Variants in CTNNAL1 observed in about 807,000 individuals in gnomAD.
The protein encoded by CTNNAL1 is catenin alpha like 1, also known as alpha-catulin.
In CTNNAL1, 69 loss-of-function variants were observed where a neutral mutation model predicts 93.6. That is an observed-to-expected ratio of 0.74 (90% CI 0.61 to 0.90). CTNNAL1 has a LOEUF of 0.90. CTNNAL1 is among the 40% of genes least tolerant of loss of function. The probability of loss-of-function intolerance (pLI) is 0.00; values close to 1 mark genes in which losing one functional copy is unlikely to be tolerated. For missense variants in CTNNAL1, 836 were observed against 862.0 expected (o/e 0.97, Z 0.38); for synonymous variants, 286 against 305.4 (o/e 0.94, Z 0.66).
chr9:108,981,473 A>T lies in CTNNAL1; in HGVS notation c.900+1672T>A, dbSNP rs1027173426. ...TACTAGCTCTCCTCCTCAAAAAAAAAAGACAAAAAACAAAAAAAAAAAAAA... is the reference window on the plus strand; with the variant it reads ...TACTAGCTCTCCTCCTCAAAAAAAATAGACAAAAAACAAAAAAAAAAAAAA... On this transcript the variant is annotated intron_variant, in intron 6 of 18. Coordinates refer to ENST00000325551, the MANE Select transcript of CTNNAL1 (RefSeq NM_003798.4). Among the ~76,000 whole-genome samples the T allele has an allele frequency of 4.2e-5, 6 of 141,562 alleles. No individual in the cohort carries two copies. In the East Asian group the frequency reaches 6.3e-4, roughly 15 times the overall value. 92.9% of individuals were successfully genotyped at this position (141,562 alleles called of 152,430 possible). A position where few individuals can be genotyped will look rare whatever the true frequency, so the allele number is the denominator to read the frequency against.
chr9:108,972,510 G>A (rs796562632), intron 9 of CTNNAL1, among the ~76,000 whole-genome samples, 165 bp downstream of exon 9: 1 of 152,144 alleles, frequency 6.6e-6, no homozygotes, highest in Admixed American at 6.6e-5. Flanking sequence ...TTAGAGGCCA[G>A]ACTGTTGCAG....
rs777081581 is a variant in CTNNAL1, at chr9:108,999,065, A to T, written c.331+2T>A. On this transcript the variant is annotated splice_donor_variant, in intron 2 of 18. Transcript: ENST00000325551. LOFTEE classifies it high-confidence loss of function. ...TAGTCTTCAAAATCAATATCCACCT[A>T]CCTGCTTGTTTAGCTTCAATACAAG... 6.2e-7 allele frequency: 1 copy of T among 1,601,864 alleles called. No homozygotes were observed. Among genetic ancestry groups the T allele is most frequent in the South Asian group, 1.1e-5 (1 of 87,978 alleles).
rs371423612 is a variant in CTNNAL1 at position 108,950,607 on chromosome 9, G to T, written c.1835+1602C>A. Reference sequence around the variant, plus strand: ...CCCCACTCTTAATCCTCCTTCTATAGGAAGGAATCTTCACGAGCACAGGAT... The same window carrying T: ...CCCCACTCTTAATCCTCCTTCTATATGAAGGAATCTTCACGAGCACAGGAT... On this transcript the variant is annotated intron_variant, in intron 14 of 18. Coordinates refer to ENST00000325551, the MANE Select transcript of CTNNAL1 (RefSeq NM_003798.4). 5 of 1,549,244 alleles carry T rather than the reference G, an allele frequency of 3.2e-6. No individual in the cohort carries two copies. In the Admixed American group the frequency reaches 9.9e-5, roughly 31 times the overall value.
At chr9:108,986,478 C>T (rs1831612032) in intron 4 of CTNNAL1, among the ~76,000 whole-genome samples, 1 of 152,060 alleles carries the variant, frequency 6.6e-6, no homozygotes, top group South Asian at 2.1e-4. Flanking sequence ...AATAGTGCCA[C>T]AATAAACATA....
At chr9:109,003,364 G>A (rs963185928) in intron 1 of CTNNAL1, among the ~76,000 whole-genome samples, 1 of 152,182 alleles carries the variant, frequency 6.6e-6, no homozygotes, top group Non-Finnish European at 1.5e-5. Context: ...TATCAGCTTG[G>A]ACTAAAAGGG....
intron 11 of CTNNAL1, among the ~76,000 whole-genome samples, chr9:108,958,308 C>G (rs929947621): frequency 6.6e-6 from 1 of 151,974 alleles, no homozygotes; most frequent in Non-Finnish European, 1.5e-5. Context: ...TCTAAGATAC[C>G]ACAGAGTTAA....
chr9:108,942,734 A>G lies in CTNNAL1; in HGVS notation c.*35T>C. On this transcript the variant is annotated 3_prime_UTR_variant, in exon 19 of 19. Transcript: ENST00000325551. Reference sequence around the variant, plus strand: ...GATTTTTAAAAATGTCAGCTTCATCACATGATGTTCCAGAGATCTGACCCC... The same window carrying G: ...GATTTTTAAAAATGTCAGCTTCATCGCATGATGTTCCAGAGATCTGACCCC... The G allele has an allele frequency of 5.5e-6, 7 of 1,279,980 alleles. No individual in the cohort carries two copies. Among genetic ancestry groups the G allele is most frequent in the Non-Finnish European group, 7.9e-6 (7 of 890,426 alleles). The allele number at this position is 1,279,980 out of a possible 1,614,324, so 79.3% of individuals were successfully genotyped here.
At chr9:108,986,597 C>T (rs964450042) in intron 4 of CTNNAL1, among the ~76,000 whole-genome samples, 161 of 151,498 alleles carry the variant, frequency 1.1e-3, no homozygotes, top group African/African-American at 3.2e-3. Flanking sequence ...CCTGAGGAAT[C>T]GCCACACTGA....
chr9:109,008,146 A>ATCTT (rs1409569202), intron 1 of CTNNAL1, among the ~76,000 whole-genome samples: 1 of 138,122 alleles, frequency 7.2e-6, no homozygotes, highest in African/African-American at 2.7e-5. Context: ...ATTCCAATCC[A>ATCTT]TCTTTCTTTT....
At chr9:108,977,084 G>A (rs776616104) in intron 7 of CTNNAL1, 36 bp from the exon 8 acceptor site, 27 of 948,594 alleles carry the variant, frequency 2.8e-5, no homozygotes, top group African/African-American at 1.4e-4. Context: ...TAATGTTACC[G>A]CATCTCTTTA....
chr9:108,963,499 T>C (rs548751092), intron 11 of CTNNAL1: 1 of 152,370 alleles, frequency 6.6e-6, no homozygotes, highest in East Asian at 1.9e-4. Context: ...AGGAGATACC[T>C]GTACTAAGCT....
chr9:108,965,270 C>T, intron 11 of CTNNAL1, 108 bp downstream of exon 11: 2 of 913,068 alleles, frequency 2.2e-6, no homozygotes, highest in South Asian at 2.9e-5. Context: ...AAAAATAACC[C>T]AGCTGGGTTA....
intron 9 of CTNNAL1, among the ~76,000 whole-genome samples, chr9:108,971,360 A>G (rs1831112335): frequency 6.6e-6 from 1 of 152,224 alleles, no homozygotes; most frequent in Non-Finnish European, 1.5e-5. Flanking sequence ...TACCTCATAC[A>G]TACAAGCTAT....
chr9:108,965,106 C>A lies in CTNNAL1; in HGVS notation c.1591+272G>T, dbSNP rs28361154. On this transcript the variant is annotated intron_variant, in intron 11 of 18. Coordinates refer to ENST00000325551, the MANE Select transcript of CTNNAL1 (RefSeq NM_003798.4). ...AACTCCTGGCTTCAAAGTGATCCAC[C>A]TGCCTTGGCCTCCCAAAGCGCTGGG... 1.5e-3 allele frequency among the ~76,000 whole-genome samples: 235 copies of A among 152,256 alleles called. 2 individuals are homozygous for A. The highest frequency in any genetic ancestry group is 3.4e-3 in the Middle Eastern group (1 of 294).
intron 3 of CTNNAL1, among the ~76,000 whole-genome samples, chr9:108,991,526 C>A (rs574955156): frequency 6.6e-6 from 1 of 151,102 alleles, no homozygotes; most frequent in African/African-American, 2.4e-5. Context: ...TTGTTTTAGT[C>A]GCAACAAGAT....
At chr9:109,004,762 G>C (rs1826962733) in intron 1 of CTNNAL1, among the ~76,000 whole-genome samples, 2 of 151,556 alleles carry the variant, frequency 1.3e-5, no homozygotes, top group South Asian at 4.2e-4. Context: ...CTCCAGCCCG[G>C]GTGACAGAGC....
chr9:108,952,223 C>T lies in CTNNAL1; in HGVS notation c.1821G>A (p.Leu607=). 6.2e-7 allele frequency: 1 copy of T among 1,610,420 alleles called. No homozygotes were observed. The highest frequency in any genetic ancestry group is 8.5e-7 in the Non-Finnish European group (1 of 1,178,654). The change falls in exon 14 of 19, where the codon CTG becomes CTA. Residue 607 remains leucine, a synonymous_variant. Coordinates refer to ENST00000325551, the MANE Select transcript of CTNNAL1 (RefSeq NM_003798.4). The stretch of plus-strand genomic sequence containing the variant: ...ACTACATTTACCTAGTAAATAAATA[C>T]AGAGAATAGGCCATACTGGACATGT... ...GRNMSSMAYS[L]YLFTRGEGPL... is the part of the protein sequence containing the mutation.
intron 4 of CTNNAL1, among the ~76,000 whole-genome samples, chr9:108,988,721 G>C (rs1831691559): frequency 6.6e-6 from 1 of 152,114 alleles, no homozygotes; most frequent in African/African-American, 2.4e-5. Flanking sequence ...GCATGTTTCT[G>C]TTTTATTGTC....
At chr9:108,966,906 A>G (rs964398792) in intron 10 of CTNNAL1, among the ~76,000 whole-genome samples, 2 of 152,222 alleles carry the variant, frequency 1.3e-5, no homozygotes, top group African/African-American at 4.8e-5. Flanking sequence ...AATAGAAGCC[A>G]TCGACCAGAC....
Sources: allele counts gnomAD v4.1 joint callset (sites outside exome capture counted in the v4.1 genomes callset), GRCh38; gene constraint gnomAD v4.1.1; transcripts MANE v1.5; gene names NCBI Gene and HGNC (gene_info 2026-07-23, HGNC 2026-07-21).